Variants in WWOX observed in about 807,000 individuals in gnomAD.
WWOX encodes WW domain containing oxidoreductase, also known as WW domain-containing oxidoreductase.
In WWOX, 69 loss-of-function variants were observed where a neutral mutation model predicts 46.2. The ratio of observed to expected loss-of-function variants is 1.49; its 90% confidence interval spans 1.23 to 1.82. The LOEUF is 1.82. Among genes scored for constraint, WWOX ranks in the 40% most tolerant of loss-of-function variants. The probability of loss-of-function intolerance (pLI) is 0.00; values close to 1 mark genes in which losing one functional copy is unlikely to be tolerated. For missense variants in WWOX, 919 were observed against 542.6 expected (o/e 1.69, Z -6.89); for synonymous variants, 359 against 202.6 (o/e 1.77, Z -6.56).
intron 4 of WWOX, chr16:78,123,930 T>A (rs1406572230): frequency 6.6e-6 from 1 of 152,174 alleles, no homozygotes; most frequent in Admixed American, 6.5e-5. Context: ...AGGGATCATA[T>A]TAAACCAGCT....
intron 5 of WWOX, among the ~76,000 whole-genome samples, chr16:78,305,142 C>G (rs913689023): frequency 6.6e-6 from 1 of 152,184 alleles, no homozygotes; most frequent in Non-Finnish European, 1.5e-5. Context: ...ATCAAAGCTT[C>G]TCCTGCCACA....
At chr16:78,369,875 G>A (rs2081627855) in intron 5 of WWOX, among the ~76,000 whole-genome samples, 1 of 152,098 alleles carries the variant, frequency 6.6e-6, no homozygotes, top group African/African-American at 2.4e-5. Context: ...GCTCATGCCT[G>A]TAATCCCAGC....
chr16:79,079,756 T>G (rs982578486), intron 8 of WWOX, among the ~76,000 whole-genome samples: 6 of 152,224 alleles, frequency 3.9e-5, no homozygotes, highest in African/African-American at 1.4e-4. Context: ...GGGAACTATA[T>G]CATTATTTTG....
chr16:78,917,760 G>T (rs1053803290), intron 8 of WWOX, among the ~76,000 whole-genome samples: 3 of 151,912 alleles, frequency 2.0e-5, no homozygotes, highest in Non-Finnish European at 2.9e-5. Flanking sequence ...ATGTCATAAG[G>T]TCTATTAATA....
intron 8 of WWOX, among the ~76,000 whole-genome samples, chr16:79,195,388 A>T (rs2150817616): frequency 6.6e-6 from 1 of 152,320 alleles, no homozygotes; most frequent in Admixed American, 6.5e-5. Context: ...CAAGGAGGTC[A>T]GGAAGTCATT....
intron 8 of WWOX, among the ~76,000 whole-genome samples, chr16:79,208,625 C>G (rs1038196290): frequency 1.9e-5 from 2 of 102,832 alleles, no homozygotes; most frequent in African/African-American, 9.1e-5. Flanking sequence ...TTAAAGTGCT[C>G]TTTAAATTTT....
Position 78,821,585 on chromosome 16 carries a change from G to A in WWOX, c.1056+388833G>A, listed in dbSNP as rs145230518. Among the ~76,000 whole-genome samples, 6 of 152,270 alleles carry A rather than the reference G, an allele frequency of 3.9e-5. No individual in the cohort carries two copies. In the East Asian group the frequency reaches 1.2e-3, roughly 29 times the overall value. ...TCCCAGGGTCAAGCTCAGATGACCT[G>A]TGGTATTTTTATACCCATATATGTG... On this transcript the variant is annotated intron_variant, in intron 8 of 8. Transcript: ENST00000566780.
At chr16:78,658,108 T>G (rs963834170) in intron 8 of WWOX, among the ~76,000 whole-genome samples, 1 of 152,162 alleles carries the variant, frequency 6.6e-6, no homozygotes, top group Non-Finnish European at 1.5e-5. Context: ...CTCTACCCAC[T>G]AGATGCCAGT....
intron 8 of WWOX, among the ~76,000 whole-genome samples, chr16:79,045,789 T>C (rs1316339489): frequency 2.0e-5 from 1 of 49,896 alleles, no homozygotes; most frequent in Non-Finnish European, 3.2e-5. Context: ...CCTTTTTTTT[T>C]TTTTTTTTTT....
intron 5 of WWOX, among the ~76,000 whole-genome samples, chr16:78,274,540 C>G (rs944156172): frequency 6.6e-6 from 1 of 152,098 alleles, no homozygotes; most frequent in Non-Finnish European, 1.5e-5. Context: ...GTCAGTTTGC[C>G]CTTCATGATT....
chr16:78,975,378 C>A (rs1347541894), intron 8 of WWOX, among the ~76,000 whole-genome samples: 1 of 151,874 alleles, frequency 6.6e-6, no homozygotes, highest in African/African-American at 2.4e-5. Flanking sequence ...ACAGGGCAGA[C>A]CCTTGCAACA....
chr16:78,830,718 A>T (rs2051796795), intron 8 of WWOX, among the ~76,000 whole-genome samples: 1 of 151,586 alleles, frequency 6.6e-6, no homozygotes, highest in African/African-American at 2.4e-5. Context: ...GTTCAGGTCG[A>T]TTTGGCCAAG....
intron 4 of WWOX, among the ~76,000 whole-genome samples, chr16:78,144,462 TACAC>T (rs1211442706): frequency 1.6e-3 from 38 of 23,542 alleles, no homozygotes; most frequent in East Asian, 2.4e-3. Flanking sequence ...TATATATATA[TACAC>T]ACATATATAT....
intron 6 of WWOX, among the ~76,000 whole-genome samples, chr16:78,402,265 G>C (rs939284648): frequency 6.6e-6 from 1 of 152,084 alleles, no homozygotes; most frequent in Non-Finnish European, 1.5e-5. Flanking sequence ...CTTTCACTTA[G>C]CATAATGTTC....
At chr16:78,477,553 T>C (rs1438648010) in intron 8 of WWOX, among the ~76,000 whole-genome samples, 1 of 152,148 alleles carries the variant, frequency 6.6e-6, no homozygotes, top group Admixed American at 6.5e-5. Flanking sequence ...GCTTGTGTGA[T>C]AGGATTATGG....
intron 8 of WWOX, among the ~76,000 whole-genome samples, chr16:78,983,377 A>G (rs748235640): frequency 1.2e-4 from 18 of 152,222 alleles, no homozygotes; most frequent in Non-Finnish European, 2.1e-4. Flanking sequence ...TGAGCATTGC[A>G]TTCTCCTTGG....
chr16:78,406,323 T>TATAA (rs2151946832), intron 6 of WWOX, among the ~76,000 whole-genome samples: 2 of 79,534 alleles, frequency 2.5e-5, no homozygotes, highest in East Asian at 5.7e-4. Flanking sequence ...TATATATATA[T>TATAA]ATATATATAT....
intron 8 of WWOX, among the ~76,000 whole-genome samples, chr16:78,439,450 C>T (rs1446705693): frequency 2.0e-5 from 3 of 152,116 alleles, no homozygotes; most frequent in Non-Finnish European, 4.4e-5. Flanking sequence ...TCTTCCTGCC[C>T]TGGATTAACA....
chr16:78,578,254 T>TTATATATATATA (rs1194130355), intron 8 of WWOX, among the ~76,000 whole-genome samples: 741 of 31,534 alleles, frequency 0.023, 47 homozygotes, highest in Non-Finnish European at 0.034. Context: ...ATACCAAATT[T>TTATATATATATA]TATATATATA....
Sources: gnomAD v4.1 joint callset for allele counts (sites outside exome capture counted in the v4.1 genomes callset) on GRCh38, gnomAD v4.1.1 for gene constraint, MANE v1.5 for transcripts, NCBI Gene and HGNC (gene_info 2026-07-23, HGNC 2026-07-21) for gene names.